The following TAFA4 variants were observed in gnomAD, a reference collection of about 807,000 sequenced individuals.
TAFA4 encodes chemokine-like protein TAFA-4.
TAFA4 carries 20 observed loss-of-function variants against 21.1 expected under a neutral mutation model. The observed-to-expected ratio is 0.95, with a 90% CI of 0.67 to 1.38. The LOEUF (loss-of-function observed/expected upper bound fraction) is 1.38. TAFA4 is among the 40% of genes most tolerant of loss of function. The pLI, the probability that TAFA4 is intolerant of heterozygous loss-of-function variation, is 0.00. For missense variants in TAFA4, 211 were observed against 180.9 expected (o/e 1.17, Z -0.95); for synonymous variants, 71 against 67.4 (o/e 1.05, Z -0.26).
chr3:68,739,270 A>G lies in TAFA4; in HGVS notation c.287-71T>C. ...CCAAAGATGGACAAAATAAAACTCA[A>G]TACAGAGTAGTACACTGAGTTCAAA... On this transcript the variant is annotated intron_variant, in intron 4 of 5. Coordinates refer to ENST00000295569, the MANE Select transcript of TAFA4 (RefSeq NM_182522.5). 3.2e-6 allele frequency: 5 copies of G among 1,564,986 alleles called. No homozygotes were observed. In the Admixed American group the frequency reaches 6.9e-5, roughly 22 times the overall value.
At chr3:68,873,375 C>CACACACACACACACACACACAT (rs2089510500) in intron 3 of TAFA4, among the ~76,000 whole-genome samples, 1 of 139,452 alleles carries the variant, frequency 7.2e-6, no homozygotes, top group Non-Finnish European at 1.5e-5. Flanking sequence ...CACACACACA[C>CACACACACACACACACACACAT]ACCCTGGGCC....
At chr3:68,866,530 A>G (rs1262757049) in intron 3 of TAFA4, among the ~76,000 whole-genome samples, 1 of 151,942 alleles carries the variant, frequency 6.6e-6, no homozygotes, top group African/African-American at 2.4e-5. Flanking sequence ...TATATTCACG[A>G]GAAATAACAG....
chr3:68,892,813 G>C (rs1324628323), intron 1 of TAFA4, among the ~76,000 whole-genome samples: 2 of 152,188 alleles, frequency 1.3e-5, no homozygotes, highest in African/African-American at 2.4e-5. Context: ...TAGCCTTCAA[G>C]TGACCGTGAA....
intron 1 of TAFA4, among the ~76,000 whole-genome samples, chr3:68,928,903 T>C (rs1039519748): frequency 2.6e-5 from 4 of 152,000 alleles, no homozygotes; most frequent in African/African-American, 9.7e-5. Context: ...CCTGATCTTC[T>C]AGAAAGGTGA....
At chr3:68,885,075 G>C (rs751252043) in intron 2 of TAFA4, 100 bp downstream of exon 2, 135 of 1,084,504 alleles carry the variant, frequency 1.2e-4, no homozygotes, top group Non-Finnish European at 1.7e-4. Context: ...GTAAAAGCAG[G>C]CTTCTAAAAC....
chr3:68,874,870 G>C (rs904272232), intron 3 of TAFA4, among the ~76,000 whole-genome samples: 1 of 152,090 alleles, frequency 6.6e-6, no homozygotes, highest in Admixed American at 6.6e-5. Flanking sequence ...CAGTGGCACT[G>C]GGACTTGAAC....
At chr3:68,816,404 T>C (rs961954380) in intron 3 of TAFA4, among the ~76,000 whole-genome samples, 1 of 152,240 alleles carries the variant, frequency 6.6e-6, no homozygotes, top group Non-Finnish European at 1.5e-5. Flanking sequence ...ATCAGTGTTT[T>C]GTAGTTTCCA....
rs1575634740 is a variant in TAFA4, at chr3:68,839,999, T to C, written c.130+40731A>G. Among the ~76,000 whole-genome samples the C allele has an allele frequency of 2.0e-5, 3 of 152,136 alleles. No individual in the cohort carries two copies. The South Asian group carries it at 6.2e-4, about 32-fold the overall frequency. On this transcript the variant is annotated intron_variant, in intron 3 of 5. Coordinates refer to ENST00000295569, the MANE Select transcript of TAFA4 (RefSeq NM_182522.5). ...AGAGAAATGTGGCTGTCTTACGCCC[T>C]CCTCTTAACCTCCCTTGGGTTCCAG...
At chr3:68,875,833 C>T (rs2089543549) in intron 3 of TAFA4, among the ~76,000 whole-genome samples, 1 of 151,784 alleles carries the variant, frequency 6.6e-6, no homozygotes, top group African/African-American at 2.4e-5. Context: ...CATCAGGAAA[C>T]AGAACTCTTC....
intron 3 of TAFA4, among the ~76,000 whole-genome samples, chr3:68,849,443 TAC>T (rs1472508962): frequency 1.3e-5 from 2 of 152,134 alleles, no homozygotes; most frequent in Non-Finnish European, 2.9e-5. Context: ...TAACAAGAAG[TAC>T]AGTCACCCTG....
At chr3:68,915,918 A>C (rs1224647467) in intron 1 of TAFA4, 1 of 152,242 alleles carries the variant, frequency 6.6e-6, no homozygotes, top group Non-Finnish European at 1.5e-5. Context: ...ATAAATATGG[A>C]ATTGACCAAG....
At chr3:68,836,680 C>T (rs1704530123) in intron 3 of TAFA4, among the ~76,000 whole-genome samples, 1 of 152,302 alleles carries the variant, frequency 6.6e-6, no homozygotes, top group Non-Finnish European at 1.5e-5. Context: ...ATGGAAGTTA[C>T]ATTTCAATAG....
intron 3 of TAFA4, among the ~76,000 whole-genome samples, chr3:68,795,370 G>T (rs1703436924): frequency 6.6e-6 from 1 of 151,846 alleles, no homozygotes; most frequent in African/African-American, 2.4e-5. Flanking sequence ...TCAATCTTCT[G>T]GTTTACATGA....
intron 1 of TAFA4, among the ~76,000 whole-genome samples, chr3:68,898,936 G>A (rs1187997014): frequency 2.6e-5 from 4 of 151,792 alleles, no homozygotes; most frequent in African/African-American, 9.7e-5. Flanking sequence ...AACAAGAAGG[G>A]GAATTGAAGT....
chr3:68,800,243 T>C (rs960044539), intron 3 of TAFA4, among the ~76,000 whole-genome samples: 2 of 152,090 alleles, frequency 1.3e-5, no homozygotes, highest in Non-Finnish European at 2.9e-5. Flanking sequence ...AAAACTACTC[T>C]CTGGTGCCAA....
chr3:68,803,412 G>A (rs150065911), intron 3 of TAFA4, among the ~76,000 whole-genome samples: 1 of 152,120 alleles, frequency 6.6e-6, no homozygotes, highest in Non-Finnish European at 1.5e-5. Flanking sequence ...TTCTGTCCTG[G>A]GCAAGGCTGA....
chr3:68,923,229 TCTA>T (rs1339811236), intron 1 of TAFA4, among the ~76,000 whole-genome samples: 1 of 152,202 alleles, frequency 6.6e-6, no homozygotes, highest in African/African-American at 2.4e-5. Flanking sequence ...CAGAGCTGCT[TCTA>T]CTGTGTAATC....
chr3:68,824,712 G>A (rs1704188515), intron 3 of TAFA4, among the ~76,000 whole-genome samples: 1 of 152,168 alleles, frequency 6.6e-6, no homozygotes, highest in Non-Finnish European at 1.5e-5. Flanking sequence ...AGAATGCAAT[G>A]TTTTTGGAAA....
chr3:68,751,940 G>C (rs554082811), intron 4 of TAFA4, among the ~76,000 whole-genome samples: 4 of 152,288 alleles, frequency 2.6e-5, no homozygotes, highest in African/African-American at 9.6e-5. Context: ...TCACTTTCCT[G>C]TTTTAAAGGT....
Sources: allele counts gnomAD v4.1 joint callset (sites outside exome capture counted in the v4.1 genomes callset), GRCh38; gene constraint gnomAD v4.1.1; transcripts MANE v1.5; gene names NCBI Gene and HGNC (gene_info 2026-07-23, HGNC 2026-07-21).